THSD4: variants seen among roughly 807,000 people sequenced by gnomAD.
The protein encoded by THSD4 is thrombospondin type-1 domain-containing protein 4.
Under a neutral mutation model 119.0 loss-of-function variants are expected in THSD4, and 69 were observed. That is an observed-to-expected ratio of 0.58 (90% CI 0.48 to 0.71). THSD4 has a LOEUF of 0.71. Among genes scored for constraint, THSD4 ranks in the 30% least tolerant of loss-of-function variants. The pLI is 0.00. For synonymous variants in THSD4, 524 were observed against 540.4 expected (o/e 0.97, Z 0.42); for missense variants, 1,393 against 1,391.1 (o/e 1.00, Z -0.02).
Position 71,419,731 on chromosome 15 carries a change from C to T in THSD4, c.1152+7908C>T. Among the ~76,000 whole-genome samples, 2 of 107,978 alleles carry T rather than the reference C, an allele frequency of 1.9e-5. 1 individual carries two copies. The highest frequency in any genetic ancestry group is 4.1e-5 in the Non-Finnish European group (2 of 49,254). 70.8% of individuals were successfully genotyped at this position (107,978 alleles called of 152,430 possible). ...GTTTTCTTCTTAATTTCTTCATTGA[C>T]CCACTAATCATTCAGGAGCAAATTG... On this transcript the variant is annotated intron_variant, in intron 7 of 17. Coordinates refer to ENST00000261862, the MANE Select transcript of THSD4 (RefSeq NM_024817.3).
At chr15:71,680,498 A>C (rs1283487335) in intron 8 of THSD4, among the ~76,000 whole-genome samples, 8 of 152,218 alleles carry the variant, frequency 5.3e-5, no homozygotes, top group Non-Finnish European at 1.5e-5. Context: ...ATCAGAGAAA[A>C]AGGATTTAAT....
intron 6 of THSD4, among the ~76,000 whole-genome samples, chr15:71,329,613 T>C (rs541844662): frequency 6.6e-6 from 1 of 152,328 alleles, no homozygotes; most frequent in South Asian, 2.1e-4. Context: ...TCAGGCAGTA[T>C]GCTGGACATT....
intron 5 of THSD4, among the ~76,000 whole-genome samples, chr15:71,244,399 C>G (rs1245478780): frequency 1.3e-5 from 2 of 152,156 alleles, no homozygotes; most frequent in Middle Eastern, 3.2e-3. Flanking sequence ...GACAGCTGTT[C>G]TATATTAGCT....
chr15:71,392,388 C>T (rs985513990), intron 6 of THSD4, among the ~76,000 whole-genome samples: 3 of 152,232 alleles, frequency 2.0e-5, no homozygotes, highest in African/African-American at 4.8e-5. Context: ...CTTGTCATAC[C>T]GATTTTGACA....
chr15:71,554,426 C>T (rs909851712), intron 7 of THSD4, among the ~76,000 whole-genome samples: 6 of 151,974 alleles, frequency 3.9e-5, no homozygotes, highest in African/African-American at 1.5e-4. Context: ...CTCACTCTGT[C>T]ACCCAGGCTG....
intron 7 of THSD4, among the ~76,000 whole-genome samples, chr15:71,641,575 A>G (rs2050858779): frequency 6.6e-6 from 1 of 152,136 alleles, no homozygotes; most frequent in Non-Finnish European, 1.5e-5. Context: ...TGTATGGCCA[A>G]CAGAACTGCA....
intron 17 of THSD4, among the ~76,000 whole-genome samples, chr15:71,776,699 A>AG (rs1291529492): frequency 6.6e-6 from 1 of 152,044 alleles, no homozygotes; most frequent in Non-Finnish European, 1.5e-5. Flanking sequence ...GAAAAAAAAA[A>AG]TTGGATTAAT....
chr15:71,452,803 C>G (rs112737878), intron 7 of THSD4, among the ~76,000 whole-genome samples: 6 of 151,996 alleles, frequency 3.9e-5, no homozygotes. Flanking sequence ...TTAGTAGAGA[C>G]GGGGTTTCAC....
At chr15:71,509,655 T>C (rs928132142) in intron 7 of THSD4, among the ~76,000 whole-genome samples, 1 of 152,240 alleles carries the variant, frequency 6.6e-6, no homozygotes, top group Non-Finnish European at 1.5e-5. Flanking sequence ...CATATTTTAT[T>C]GGCTGCTTTC....
At chr15:71,587,524 CA>C (rs988789355) in intron 7 of THSD4, among the ~76,000 whole-genome samples, 4 of 113,016 alleles carry the variant, frequency 3.5e-5, no homozygotes, top group African/African-American at 8.7e-5. Context: ...ATCGCAAGAA[CA>C]AAAAACCAAA....
chr15:71,495,467 A>G (rs1353765972), intron 7 of THSD4, among the ~76,000 whole-genome samples: 1 of 152,114 alleles, frequency 6.6e-6, no homozygotes, highest in Non-Finnish European at 1.5e-5. Context: ...CACCCTGCCA[A>G]TACCACTCTA....
intron 6 of THSD4, among the ~76,000 whole-genome samples, chr15:71,391,003 G>T (rs2046369812): frequency 6.7e-6 from 1 of 149,994 alleles, no homozygotes; most frequent in Non-Finnish European, 1.5e-5. Flanking sequence ...TGAGACTACA[G>T]GCATAAGCCA....
At chr15:71,299,971 AAAAAAAT>A (rs199750614) in intron 6 of THSD4, among the ~76,000 whole-genome samples, 39,342 of 105,598 alleles carry the variant, frequency 0.37, 6,425 homozygotes, top group East Asian at 0.52. Context: ...AAAAAAAAAA[AAAAAAAT>A]ATATATATAT....
chr15:71,614,262 T>A (rs1351500177), intron 7 of THSD4, among the ~76,000 whole-genome samples: 1 of 152,232 alleles, frequency 6.6e-6, no homozygotes, highest in Non-Finnish European at 1.5e-5. Context: ...TCATTCTGTA[T>A]CCATTCCAGC....
At chr15:71,560,718 A>G (rs565585802) in intron 7 of THSD4, among the ~76,000 whole-genome samples, 4 of 152,290 alleles carry the variant, frequency 2.6e-5, no homozygotes, top group South Asian at 4.1e-4. Flanking sequence ...GTATGCTCTT[A>G]TATTTCTTAG....
In THSD4 at chr15:71,728,687, T is replaced by G; in HGVS notation, c.1496T>G (p.Leu499Trp). The change falls in exon 9 of 18, where the codon TTG (leucine) becomes TGG (tryptophan). Residue 499 changes from leucine (L) to tryptophan (W), a missense_variant. Coordinates refer to ENST00000261862, the MANE Select transcript of THSD4 (RefSeq NM_024817.3). ...TCGAGCACTGCCGGAGAGTCCTTTT[T>G]GGCGGAAGGTCCCACCAACGAGATC... The part of the protein sequence containing the change: ...EISSTAGESF[L>W]AEGPTNEILD... 1 of 1,614,228 alleles carries G rather than the reference T, an allele frequency of 6.2e-7. No homozygotes were observed. The highest frequency in any genetic ancestry group is 8.5e-7 in the Non-Finnish European group (1 of 1,180,026).
At chr15:71,350,269 A>G (rs544073832) in intron 6 of THSD4, among the ~76,000 whole-genome samples, 3 of 152,338 alleles carry the variant, frequency 2.0e-5, no homozygotes, top group South Asian at 2.1e-4. Context: ...AAAATATCTC[A>G]AAGTTATGCT....
intron 2 of THSD4, among the ~76,000 whole-genome samples, chr15:71,142,865 C>T (rs1192414553): frequency 6.6e-6 from 1 of 152,162 alleles, no homozygotes; most frequent in Admixed American, 6.5e-5. Context: ...ATGCCTAGAA[C>T]TTATAACAGA....
intron 8 of THSD4, among the ~76,000 whole-genome samples, chr15:71,674,090 C>A (rs1363302216): frequency 1.3e-5 from 2 of 152,204 alleles, no homozygotes; most frequent in Non-Finnish European, 2.9e-5. Flanking sequence ...CTGTGCTGAC[C>A]TCATTCTATT....
Sources: gnomAD v4.1 joint callset for allele counts (sites outside exome capture counted in the v4.1 genomes callset) on GRCh38, gnomAD v4.1.1 for gene constraint, MANE v1.5 for transcripts, NCBI Gene and HGNC (gene_info 2026-07-23, HGNC 2026-07-21) for gene names.